PSME3: variants seen among roughly 807,000 people sequenced by gnomAD.
PSME3 encodes proteasome activator complex subunit 3.
A neutral mutation model predicts 38.3 loss-of-function variants in PSME3; 7 were observed. The observed-to-expected ratio is 0.18, with a 90% confidence interval of 0.10 to 0.34. The LOEUF (loss-of-function observed/expected upper bound fraction) is 0.34, where lower values mean the gene tolerates loss of function less well. Ranked by LOEUF, PSME3 falls within the 10% of genes least tolerant of loss-of-function variation. The pLI, the probability that PSME3 is intolerant of heterozygous loss-of-function variation, is 1.00. For missense variants in PSME3, 192 were observed against 307.6 expected (o/e 0.62, Z 2.81); for synonymous variants, 108 against 105.7 (o/e 1.02, Z -0.13).
Position 42,833,590 on chromosome 17 carries a change from C to G in PSME3, c.-42C>G. On this transcript the variant is annotated 5_prime_UTR_variant, in exon 1 of 11. Transcript: ENST00000590720. ...CCGGCCCCCTCCCTGGAGTCCACAG[C>G]GCCTCCGGTGTCCAGAGGATCGGAC... 1 of 1,612,770 alleles carries G rather than the reference C, an allele frequency of 6.2e-7. No individual in the cohort carries two copies. Among genetic ancestry groups the G allele is most frequent in the Non-Finnish European group, 8.5e-7 (1 of 1,178,934 alleles).
At chr17:42,841,345 T>C (rs895749986) in intron 10 of PSME3, among the ~76,000 whole-genome samples, 153 bp from the exon 11 acceptor site, 6 of 152,206 alleles carry the variant, frequency 3.9e-5, no homozygotes, top group Admixed American at 6.5e-5. Flanking sequence ...TACTTTAATT[T>C]CCTTCAAGTC....
chr17:42,839,665 G>A (rs1018607568), intron 10 of PSME3, among the ~76,000 whole-genome samples: 4 of 152,176 alleles, frequency 2.6e-5, no homozygotes, highest in African/African-American at 9.7e-5. Flanking sequence ...GTGTGACCTC[G>A]AGCAAATTGT....
chr17:42,839,380 T>C lies in PSME3; in HGVS notation c.684T>C (p.Tyr228=). The C allele has an allele frequency of 6.3e-7, 1 of 1,596,514 alleles. No individual in the cohort carries two copies. Among genetic ancestry groups the C allele is most frequent in the South Asian group, 1.1e-5 (1 of 90,674 alleles). ...RLIISELRNQ[Y]VTLHDMILKN... ...TCATATCAGAGCTGAGGAATCAATA[T>C]GTGAGTAATCTCAGTCCTTGTCCAT... is the stretch of plus-strand genomic sequence containing the variant. Residue 228 remains tyrosine (Y), a splice_region_variant and synonymous_variant, in exon 10 of 11, where the codon TAT becomes TAC. Transcript: ENST00000590720.
rs967175092 is a variant in PSME3 at position 42,843,504 on chromosome 17, C to G, written c.*1926C>G. The G allele has an allele frequency of 6.6e-6, 1 of 152,384 alleles. No individual in the cohort carries two copies. Among genetic ancestry groups the G allele is most frequent in the African/African-American group, 2.4e-5 (1 of 41,452 alleles). 9.4% of individuals were successfully genotyped at this position (152,384 alleles called of 1,614,324 possible). ...CTAAGCTGCCTTCTCTCCCTACTTTCAGAAGATCCTAGTTCCTTCCTTCCC... is the reference window on the plus strand; with the variant it reads ...CTAAGCTGCCTTCTCTCCCTACTTTGAGAAGATCCTAGTTCCTTCCTTCCC... On this transcript the variant is annotated 3_prime_UTR_variant, in exon 11 of 11. Transcript: ENST00000590720.
intron 1 of PSME3, 145 bp from the exon 2 acceptor site, chr17:42,834,199 C>CA (rs750862283): frequency 3.9e-6 from 6 of 1,542,392 alleles, no homozygotes; most frequent in South Asian, 1.2e-5. Context: ...AATGGATCCT[C>CA]AAAAAAATAA....
chr17:42,835,177 A>G (rs919201957), intron 4 of PSME3, among the ~76,000 whole-genome samples: 1 of 151,778 alleles, frequency 6.6e-6, no homozygotes, highest in Admixed American at 6.6e-5. Context: ...AGCTGGGACT[A>G]CAGGAGTCCA....
chr17:42,839,894 G>T lies in PSME3; in HGVS notation c.684+514G>T, dbSNP rs534523782. 5.3e-3 allele frequency among the ~76,000 whole-genome samples: 812 copies of T among 152,204 alleles called. 9 individuals carry two copies. The highest frequency in any genetic ancestry group is 0.018 in the African/African-American group (745 of 41,520). On this transcript the variant is annotated intron_variant, in intron 10 of 10. Transcript: ENST00000590720. ...GTCTGTAATCCCAGCTACTTGGGAG[G>T]CTGAGGCAGGAGAATCACTTGAACC...
chr17:42,841,189 C>T (rs948970173), intron 10 of PSME3, among the ~76,000 whole-genome samples: 21 of 149,922 alleles, frequency 1.4e-4, no homozygotes, highest in African/African-American at 4.9e-4. Context: ...TCCATAGGTT[C>T]TTAGAAACTG....
In PSME3 at chr17:42,834,275, G is replaced by A. The variant is rs776717024; in HGVS notation, c.43-69G>A. On this transcript the variant is annotated intron_variant, in intron 1 of 10. Transcript: ENST00000590720. ...TTACAAGGTGAGGGAAAGACAGTTG[G>A]ATTGGGATTCTCCATCCTGCTCTTA... The A allele has an allele frequency of 1.2e-5, 19 of 1,610,840 alleles. No individual in the cohort carries two copies. The East Asian group carries it at 2.5e-4, about 21-fold the overall frequency.
At position 42,841,509 on chromosome 17, in the gene PSME3, T is replaced by C. The variant is rs910183289; in HGVS notation, c.696T>C (p.His232=). The change falls in exon 11 of 11, where the codon CAT becomes CAC. Residue 232 remains histidine (H), a synonymous_variant. Transcript: ENST00000590720. ...CCCTCTTCTCTCAGGTCACTCTACA[T>C]GACATGATCCTGAAAAATATCGAGA... ...SELRNQYVTL[H]DMILKNIEKI... 1.2e-6 allele frequency: 2 copies of C among 1,605,630 alleles called. No individual in the cohort carries two copies. The highest frequency in any genetic ancestry group is 2.7e-5 in the African/African-American group (2 of 74,668).
rs2055548468 is a variant in PSME3 at position 42,842,658 on chromosome 17, G to C, written c.*1080G>C. ...GGGGAAAGCAATCATTGGTGTGTAT[G>C]TGTATGTGCATGCACACACGTGCAT... On this transcript the variant is annotated 3_prime_UTR_variant, in exon 11 of 11. Transcript: ENST00000590720. The C allele has an allele frequency of 6.5e-6, 1 of 152,818 alleles. No homozygotes were observed. The highest frequency in any genetic ancestry group is 1.5e-5 in the Non-Finnish European group (1 of 68,062). The allele number at this position is 152,818 out of a possible 1,614,324, so 9.5% of individuals were successfully genotyped here.
At chr17:42,837,824 C>T (rs1164992808) in intron 5 of PSME3, 127 bp downstream of exon 5, 8 of 1,126,400 alleles carry the variant, frequency 7.1e-6, no homozygotes, top group Non-Finnish European at 1.1e-5. Context: ...AGGTAGCATT[C>T]CCAGCTCCTC....
At position 42,838,190 on chromosome 17, in the gene PSME3, T is replaced by A; in HGVS notation, c.390T>A (p.Ile130=). The change falls in exon 6 of 11, where the codon ATT becomes ATA. Residue 130 remains isoleucine (I), a synonymous_variant. Transcript: ENST00000590720. ...EKVKPEIRLL[I]EKCNTVKMWV... ...TGAAACCTGAGATCCGGCTGTTGAT[T>A]GAGAAATGTAACACGGTGAGGCACA... 1 of 1,613,948 alleles carries A rather than the reference T, an allele frequency of 6.2e-7. No homozygotes were observed. Among genetic ancestry groups the A allele is most frequent in the Non-Finnish European group, 8.5e-7 (1 of 1,180,010 alleles).
intron 10 of PSME3, among the ~76,000 whole-genome samples, chr17:42,840,510 A>G (rs1373039051): frequency 1.3e-5 from 2 of 151,530 alleles, no homozygotes; most frequent in Admixed American, 6.6e-5. Flanking sequence ...CGGGAGGCTG[A>G]GGCAGGAGAA....
chr17:42,837,725 C>A (rs774953856), intron 5 of PSME3, 28 bp downstream of exon 5: 38 of 1,608,486 alleles, frequency 2.4e-5, no homozygotes, highest in Non-Finnish European at 3.1e-5. Context: ...CTCACCTCCC[C>A]TCACCCCATC....
Position 42,842,649 on chromosome 17 carries a change from G to T in PSME3, c.*1071G>T, listed in dbSNP as rs1344915277. 1.3e-5 allele frequency: 2 copies of T among 152,708 alleles called. No individual in the cohort carries two copies. The highest frequency in any genetic ancestry group is 2.9e-5 in the Non-Finnish European group (2 of 68,048). 9.5% of individuals were successfully genotyped at this position (152,708 alleles called of 1,614,324 possible). On this transcript the variant is annotated 3_prime_UTR_variant, in exon 11 of 11. Transcript: ENST00000590720. The stretch of plus-strand genomic sequence containing the variant: ...CGGGCTTCCGGGGAAAGCAATCATT[G>T]GTGTGTATGTGTATGTGCATGCACA...
chr17:42,838,569 CG>C (rs2055492311), intron 6 of PSME3, 161 bp from the exon 7 acceptor site: 1 of 736,986 alleles, frequency 1.4e-6, no homozygotes, highest in Non-Finnish European at 2.2e-6. Context: ...CCACCCGCTT[CG>C]GGGTCCCAAA....
At chr17:42,835,142 A>G (rs1298298959) in intron 4 of PSME3, among the ~76,000 whole-genome samples, 1 of 151,668 alleles carries the variant, frequency 6.6e-6, no homozygotes, top group Non-Finnish European at 1.5e-5. Context: ...AACTCAAGCG[A>G]TCCTTCCTCC....
rs1597950631 is a variant in PSME3 at position 42,833,477 on chromosome 17, A to G, written c.-155A>G. On this transcript the variant is annotated 5_prime_UTR_variant, in exon 1 of 11. Transcript: ENST00000590720. ...CAGCAGGCTGCCGGCGGGCGGGCGGACGGCACAGAGGGAGGGAGCGAGCGA... is the reference window on the plus strand; with the variant it reads ...CAGCAGGCTGCCGGCGGGCGGGCGGGCGGCACAGAGGGAGGGAGCGAGCGA... 1 of 847,694 alleles carries G rather than the reference A, an allele frequency of 1.2e-6. No individual in the cohort carries two copies. The highest frequency in any genetic ancestry group is 2.8e-5 in the Admixed American group (1 of 35,434). The allele number at this position is 847,694 out of a possible 1,614,324, so 52.5% of individuals were successfully genotyped here.
Sources: gnomAD v4.1 joint callset for allele counts (sites outside exome capture counted in the v4.1 genomes callset) on GRCh38, gnomAD v4.1.1 for gene constraint, MANE v1.5 for transcripts, NCBI Gene and HGNC (gene_info 2026-07-23, HGNC 2026-07-21) for gene names.